The following A4GALT variants were observed in gnomAD, a reference collection of about 807,000 sequenced individuals.
The protein encoded by A4GALT is lactosylceramide 4-alpha-galactosyltransferase.
For synonymous variants in A4GALT, 257 were observed against 220.7 expected (o/e 1.16, Z -1.46); for missense variants, 512 against 486.0 (o/e 1.05, Z -0.50).
Position 42,693,252 on chromosome 22 carries a change from T to C in A4GALT, c.700A>G (p.Met234Val), listed in dbSNP as rs369483198. 4.3e-6 allele frequency: 7 copies of C among 1,612,380 alleles called. No homozygotes were observed. In the South Asian group the frequency reaches 6.6e-5, roughly 15 times the overall value. The change falls in exon 3 of 3, where the codon ATG becomes GTG. Residue 234 changes from methionine (M) to valine (V), a missense_variant. Physicochemically the swap from Met to Val is conservative, Grantham distance 21 (BLOSUM62 1). Coordinates refer to ENST00000642412, the MANE Select transcript of A4GALT (RefSeq NM_017436.7). ...ERRHEFMALC[M>V]RDFVDHYNGW... ...TTGTAGTGGTCCACGAAGTCCCGCA[T>C]GCACAGCGCCATGAACTCGTGCCGG...
intron 1 of A4GALT, among the ~76,000 whole-genome samples, chr22:42,702,004 T>G (rs1931330667): frequency 6.6e-6 from 1 of 152,164 alleles, no homozygotes; most frequent in Non-Finnish European, 1.5e-5. Context: ...CCAATGAATG[T>G]CTCATCCCCC....
At chr22:42,714,491 T>C (rs6002924) in intron 1 of A4GALT, among the ~76,000 whole-genome samples, 15,957 of 151,142 alleles carry the variant, frequency 0.11, 893 homozygotes, top group African/African-American at 0.14. Flanking sequence ...AGGAGGATGG[T>C]TTGCGCCCAG....
chr22:42,707,126 G>A (rs1921214628), intron 1 of A4GALT, among the ~76,000 whole-genome samples: 1 of 152,042 alleles, frequency 6.6e-6, no homozygotes, highest in Admixed American at 6.6e-5. Context: ...AATCAGTAAG[G>A]TACTATAATA....
At chr22:42,704,573 G>C (rs4822187) in intron 1 of A4GALT, among the ~76,000 whole-genome samples, 1 of 151,336 alleles carries the variant, frequency 6.6e-6, no homozygotes, top group Non-Finnish European at 1.5e-5. Context: ...GGCTCTTTTC[G>C]GAGCAGAGGT....
At chr22:42,699,594 T>C (rs5758871) in intron 1 of A4GALT, among the ~76,000 whole-genome samples, 59,719 of 152,008 alleles carry the variant, frequency 0.39, 13,278 homozygotes, top group East Asian at 0.86. Context: ...GGCTCTGAGT[T>C]CCTGTGAGGG....
intron 1 of A4GALT, among the ~76,000 whole-genome samples, chr22:42,719,882 A>G (rs1429948318): frequency 6.6e-6 from 1 of 152,096 alleles, no homozygotes; most frequent in Non-Finnish European, 1.5e-5. Flanking sequence ...GGAGGGGAGG[A>G]AGCCGCAGAG....
Position 42,693,130 on chromosome 22 carries a change from G to A in A4GALT, c.822C>T (p.Arg274=), listed in dbSNP as rs372559008. Residue 274 remains arginine, a synonymous_variant, in exon 3 of 3, where the codon CGC becomes CGT. Transcript: ENST00000642412. ...IRSLAESRAC[R]GVTTLPPEAF... ...CCTCAGGGGGCAGGGTGGTGACGCCGCGGCAGGCGCGGCTCTCGGCCAGGC... is the reference window on the plus strand; with the variant it reads ...CCTCAGGGGGCAGGGTGGTGACGCCACGGCAGGCGCGGCTCTCGGCCAGGC... 89 of 1,605,004 alleles carry A rather than the reference G, an allele frequency of 5.5e-5. No homozygotes were observed. The Middle Eastern group carries it at 6.6e-4, about 12-fold the overall frequency.
chr22:42,694,003 A>G lies in A4GALT; in HGVS notation c.-46-6T>C. On this transcript the variant is annotated splice_polypyrimidine_tract_variant and splice_region_variant and intron_variant, in intron 2 of 2. Transcript: ENST00000642412. Reference sequence around the variant, plus strand: ...TCCAGCAGGAACCGGCTGGTCTGCAAGAGATGAGCACCCGCCATCAGGGAG... The same window carrying G: ...TCCAGCAGGAACCGGCTGGTCTGCAGGAGATGAGCACCCGCCATCAGGGAG... 1 of 1,481,346 alleles carries G rather than the reference A, an allele frequency of 6.8e-7. No individual in the cohort carries two copies. The allele number at this position is 1,481,346 out of a possible 1,614,324, so 91.8% of individuals were successfully genotyped here. A position where few individuals can be genotyped will look rare whatever the true frequency, so the allele number is the denominator to read the frequency against.
chr22:42,714,533 C>T (rs1446540782), intron 1 of A4GALT, among the ~76,000 whole-genome samples: 1 of 151,594 alleles, frequency 6.6e-6, no homozygotes, highest in African/African-American at 2.4e-5. Context: ...AACTGCACAC[C>T]AGGTTGGGCA....
chr22:42,720,365 C>T (rs1922611283), intron 1 of A4GALT, among the ~76,000 whole-genome samples: 1 of 145,382 alleles, frequency 6.9e-6, no homozygotes, highest in South Asian at 2.1e-4. Context: ...GCATCCGCTC[C>T]GGGGCGAGCA....
chr22:42,720,345 G>A (rs936577340), intron 1 of A4GALT, among the ~76,000 whole-genome samples: 7 of 145,262 alleles, frequency 4.8e-5, no homozygotes, highest in African/African-American at 1.8e-4. Context: ...CTCCATCCCC[G>A]TCCCCGGTCG....
intron 1 of A4GALT, among the ~76,000 whole-genome samples, chr22:42,716,925 C>T (rs28992180): frequency 2.6e-5 from 4 of 152,218 alleles, no homozygotes; most frequent in Non-Finnish European, 5.9e-5. Flanking sequence ...CTTCCTGTTT[C>T]GCTCTCATGT....
chr22:42,703,351 G>A (rs1403402109), intron 1 of A4GALT, among the ~76,000 whole-genome samples: 3 of 150,982 alleles, frequency 2.0e-5, no homozygotes, highest in Admixed American at 6.6e-5. Flanking sequence ...TGCCACCCGG[G>A]TTCAAGTGAT....
At chr22:42,703,624 G>T (rs929325672) in intron 1 of A4GALT, among the ~76,000 whole-genome samples, 2 of 152,264 alleles carry the variant, frequency 1.3e-5, no homozygotes, top group African/African-American at 4.8e-5. Flanking sequence ...ACTCAGCAGT[G>T]ATGTCGGGAA....
At chr22:42,716,855 T>G (rs1922226865) in intron 1 of A4GALT, among the ~76,000 whole-genome samples, 1 of 152,154 alleles carries the variant, frequency 6.6e-6, no homozygotes, top group African/African-American at 2.4e-5. Flanking sequence ...TGATCAGGGC[T>G]CTCTGGGTCC....
intron 1 of A4GALT, among the ~76,000 whole-genome samples, chr22:42,702,179 T>C (rs946735179): frequency 2.0e-5 from 3 of 152,054 alleles, no homozygotes; most frequent in African/African-American, 7.2e-5. Flanking sequence ...TCTTGGTCCC[T>C]GACCCCACAA....
At chr22:42,697,787 C>A (rs1931040842) in intron 1 of A4GALT, among the ~76,000 whole-genome samples, 1 of 152,010 alleles carries the variant, frequency 6.6e-6, no homozygotes, top group Non-Finnish European at 1.5e-5. Flanking sequence ...CCTGGCACAC[C>A]CCTGCTGCCT....
At chr22:42,714,817 A>G (rs1446998305) in intron 1 of A4GALT, among the ~76,000 whole-genome samples, 1 of 152,152 alleles carries the variant, frequency 6.6e-6, no homozygotes, top group East Asian at 1.9e-4. Flanking sequence ...ATGTGCCAAG[A>G]GAAAAATGCA....
chr22:42,703,106 C>CGGTGTGTGTGTGTG (rs1920935292), intron 1 of A4GALT, among the ~76,000 whole-genome samples: 6 of 134,108 alleles, frequency 4.5e-5, no homozygotes, highest in African/African-American at 1.9e-4. Context: ...TGCTGCCCCA[C>CGGTGTGTGTGTGTG]TGTGTGTGTG....
Sources: gnomAD v4.1 joint callset for allele counts (sites outside exome capture counted in the v4.1 genomes callset) on GRCh38, gnomAD v4.1.1 for gene constraint, MANE v1.5 for transcripts, NCBI Gene and HGNC (gene_info 2026-07-23, HGNC 2026-07-21) for gene names.